ZNF550: variants seen among roughly 807,000 people sequenced by gnomAD.
ZNF550 encodes zinc finger protein 550.
A neutral mutation model predicts 40.2 loss-of-function variants in ZNF550; 42 were observed. The observed-to-expected ratio is 1.05, with a 90% CI of 0.82 to 1.35. ZNF550 has a LOEUF of 1.35. ZNF550 is among the 40% of genes most tolerant of loss of function. The probability of loss-of-function intolerance (pLI) is 0.00; values close to 1 mark genes in which losing one functional copy is unlikely to be tolerated. For synonymous variants in ZNF550, 223 were observed against 198.6 expected (o/e 1.12, Z -1.03); for missense variants, 549 against 525.2 (o/e 1.05, Z -0.44).
intron 3 of ZNF550, among the ~76,000 whole-genome samples, chr19:57,551,026 T>C (rs760260901): frequency 1.6e-4 from 24 of 152,304 alleles, no homozygotes; most frequent in Non-Finnish European, 2.8e-4. Context: ...GTGCACACTT[T>C]TTATTTGAAT....
intron 4 of ZNF550, among the ~76,000 whole-genome samples, chr19:57,545,918 C>T (rs1311315125): frequency 6.6e-6 from 1 of 152,096 alleles, no homozygotes; most frequent in Non-Finnish European, 1.5e-5. Flanking sequence ...AAACTTGAGG[C>T]AAGAGGACCA....
chr19:57,554,955 T>C lies in ZNF550; in HGVS notation c.154+1276A>G, dbSNP rs1344841347. 1.3e-5 allele frequency: 2 copies of C among 152,262 alleles called. No homozygotes were observed. The highest frequency in any genetic ancestry group is 4.8e-5 in the African/African-American group (2 of 41,462). The allele number at this position is 152,262 out of a possible 1,614,324, so 9.4% of individuals were successfully genotyped here. ...GGAACTCCCACAATAGGTTATGACA[T>C]CCTGCTTATTTATTCCTAAATTCCC... is the stretch of plus-strand genomic sequence containing the variant. On this transcript the variant is annotated intron_variant, in intron 2 of 4. Transcript: ENST00000457177. This position sits in a 1 kb window ranked among gnomAD's most constrained non-coding sequence, Gnocchi z 4.5.
exon 1 of ZNF550, chr19:57,559,768 G>A (rs1194946672): frequency 3.3e-6 from 4 of 1,203,138 alleles, no homozygotes; most frequent in Admixed American, 2.8e-5. Flanking sequence ...GCGGAGGTGA[G>A]CCCCAGTCGC....
rs1445420548 is a variant in ZNF550, at chr19:57,554,768, A to T, written c.154+1463T>A. ...CAGGGCTGTGGGAAAGGTGAATCAG[A>T]TGATCCTTTGGCTCTCCCAAGAGCT... is the stretch of plus-strand genomic sequence containing the variant. On this transcript the variant is annotated intron_variant, in intron 2 of 4. Coordinates refer to ENST00000457177, the Ensembl canonical transcript of ZNF550. The surrounding 1 kb of genome is among the most constrained non-coding windows in gnomAD (Gnocchi z 4.5). The T allele has an allele frequency of 6.6e-6, 1 of 152,186 alleles. No homozygotes were observed. Among genetic ancestry groups the T allele is most frequent in the African/African-American group, 2.4e-5 (1 of 41,420 alleles). The allele number at this position is 152,186 out of a possible 1,614,324, so 9.4% of individuals were successfully genotyped here. A position where few individuals can be genotyped will look rare whatever the true frequency, so the allele number is the denominator to read the frequency against.
intron 1 of ZNF550, 57 bp downstream of exon 1, chr19:57,559,599 G>T: frequency 7.0e-7 from 1 of 1,421,504 alleles, no homozygotes. Flanking sequence ...CCTTCCGCTC[G>T]TCGGGCCCGG....
chr19:57,553,247 G>A (rs2090089770), intron 2 of ZNF550: 1 of 152,576 alleles, frequency 6.6e-6, no homozygotes, highest in Non-Finnish European at 1.5e-5. Context: ...ATAAAAGACA[G>A]GCACAAATCC....
chr19:57,544,127 C>G, intron 4 of ZNF550: 1 of 985,390 alleles, frequency 1.0e-6, no homozygotes, highest in Non-Finnish European at 1.2e-6. Flanking sequence ...CTTCCCTGCT[C>G]AAGGGCAGGA....
At chr19:57,555,217 A>G (rs948031693) in intron 2 of ZNF550, 2 of 152,212 alleles carry the variant, frequency 1.3e-5, no homozygotes, top group Non-Finnish European at 1.5e-5. Flanking sequence ...CAATGCCACT[A>G]AGTCCCAGGA....
At chr19:57,556,032 C>A in intron 2 of ZNF550, 199 bp downstream of exon 2, 1 of 593,480 alleles carries the variant, frequency 1.7e-6, no homozygotes, top group Non-Finnish European at 2.9e-6. Flanking sequence ...TCAGAATGGG[C>A]TGAGCACTGG....
At position 57,548,099 on chromosome 19, in the gene ZNF550, A is replaced by G. The variant is rs2090040758; in HGVS notation, c.251-106T>C. The G allele has an allele frequency of 2.9e-6, 3 of 1,041,408 alleles. No homozygotes were observed. In the East Asian group the frequency reaches 7.3e-5, roughly 25 times the overall value. The allele number at this position is 1,041,408 out of a possible 1,614,324, so 64.5% of individuals were successfully genotyped here. A position where few individuals can be genotyped will look rare whatever the true frequency, so the allele number is the denominator to read the frequency against. The stretch of plus-strand genomic sequence containing the variant: ...AATGAAGATGAAAATAGTGCCTATG[A>G]TACTTGCTGCATTTTTACATCTCTA... On this transcript the variant is annotated intron_variant, in intron 3 of 4. Coordinates refer to ENST00000457177, the Ensembl canonical transcript of ZNF550.
chr19:57,549,207 A>G (rs2090050912), intron 3 of ZNF550, among the ~76,000 whole-genome samples: 1 of 152,220 alleles, frequency 6.6e-6, no homozygotes, highest in African/African-American at 2.4e-5. Context: ...TAAATGCTTG[A>G]GGTGACAGAT....
exon 4 of ZNF550, chr19:57,547,731 C>T (rs569318881): frequency 2.5e-6 from 4 of 1,614,076 alleles, no homozygotes; most frequent in Non-Finnish European, 3.4e-6. Flanking sequence ...CTTGTAATGC[C>T]CTGGAGTGCA....
intron 4 of ZNF550, chr19:57,543,578 C>T (rs2089980406): frequency 1.0e-6 from 1 of 980,856 alleles, no homozygotes; most frequent in Non-Finnish European, 1.2e-6. Flanking sequence ...AGCATAAGAG[C>T]ATAGTGCTTT....
At chr19:57,560,125 G>GATATCAAACCC (rs1186016131), upstream of ZNF550, among the ~76,000 whole-genome samples, 2 of 152,174 alleles carry the variant, frequency 1.3e-5, no homozygotes, top group African/African-American at 2.4e-5. Flanking sequence ...CCAGGTAAAC[G>GATATCAAACCC]AGTTTGATAA....
chr19:57,546,475 A>T, exon 4 of ZNF550: 1 of 987,520 alleles, frequency 1.0e-6, no homozygotes, highest in Non-Finnish European at 1.2e-6. Flanking sequence ...GAAGGTTTTC[A>T]TAAGTTCATA....
Position 57,546,664 on chromosome 19 carries a change from T to A in ZNF550, c.*311A>T, listed in dbSNP as rs2090012599. The A allele has an allele frequency of 8.1e-6, 9 of 1,110,374 alleles. No homozygotes were observed. In the South Asian group the frequency reaches 3.0e-4, roughly 36 times the overall value. The allele number at this position is 1,110,374 out of a possible 1,614,324, so 68.8% of individuals were successfully genotyped here. A position where few individuals can be genotyped will look rare whatever the true frequency, so the allele number is the denominator to read the frequency against. ...CTGTCCTTAATAGTTATATTTGGAA[T>A]GTCTTTCTCCAGCATGAGTTCTCTG... On this transcript the variant is annotated 3_prime_UTR_variant, in exon 4 of 5. Transcript: ENST00000457177.
intron 4 of ZNF550, chr19:57,543,723 G>A (rs1367111476): frequency 1.5e-6 from 1 of 677,714 alleles, no homozygotes; most frequent in Non-Finnish European, 1.8e-6. Context: ...ACTACATGAG[G>A]TCAAGAGTTC....
chr19:57,543,543 C>G (rs758502870), intron 4 of ZNF550: 148 of 915,130 alleles, frequency 1.6e-4, no homozygotes, highest in Non-Finnish European at 1.8e-4. Context: ...GTCCCACCCC[C>G]ACAATCATTT....
At chr19:57,547,093 G>A (rs144170900) in exon 4 of ZNF550, 204 of 1,613,808 alleles carry the variant, frequency 1.3e-4, no homozygotes, top group Non-Finnish European at 1.5e-4. Context: ...AATGAGGTAC[G>A]TGCTCCGGTG....
Sources: allele counts gnomAD v4.1 joint callset (sites outside exome capture counted in the v4.1 genomes callset), GRCh38; gene constraint gnomAD v4.1.1; non-coding constraint Gnocchi (gnomAD v3.1); transcripts MANE v1.5; gene names NCBI Gene and HGNC (gene_info 2026-07-23, HGNC 2026-07-21).